FRMD4A: variants seen among roughly 807,000 people sequenced by gnomAD.
The protein encoded by FRMD4A is FERM domain-containing protein 4A.
In FRMD4A, 29 loss-of-function variants were observed where a neutral mutation model predicts 129.1. The observed-to-expected ratio is 0.22, with a 90% confidence interval of 0.17 to 0.31. The LOEUF is 0.31. FRMD4A is among the 10% of genes least tolerant of loss of function. FRMD4A has a pLI of 1.00. For synonymous variants in FRMD4A, 634 were observed against 571.6 expected, an observed-to-expected ratio of 1.11 and a Z score of -1.56; for missense variants, 1,272 against 1,375.8, an observed-to-expected ratio of 0.92 and a Z score of 1.19.
intron 2 of FRMD4A, among the ~76,000 whole-genome samples, chr10:13,938,289 T>C (rs775990961): frequency 6.6e-6 from 1 of 152,168 alleles, no homozygotes; most frequent in Non-Finnish European, 1.5e-5. Context: ...TTGCCCAGGC[T>C]GGAGTGCAGT....
intron 3 of FRMD4A, among the ~76,000 whole-genome samples, chr10:13,841,021 T>C (rs1316918040): frequency 1.3e-5 from 2 of 152,060 alleles, no homozygotes; most frequent in South Asian, 2.1e-4. Context: ...GGTGGGAGGA[T>C]GGCTTGAGCC....
In FRMD4A at chr10:13,752,902, TC is replaced by T. The variant is rs2091693576; in HGVS notation, c.465-5084del. On this transcript the variant is annotated intron_variant, in intron 8 of 24. Coordinates refer to ENST00000357447, the MANE Select transcript of FRMD4A (RefSeq NM_018027.5). ...TATTTGCGCCCACTTGCTGCGCATA[TC>T]CATGTTTTGGGCTGGAGGTGTTGAT... is the stretch of plus-strand genomic sequence containing the variant. Among the ~76,000 whole-genome samples the T allele has an allele frequency of 5.3e-5, 8 of 152,344 alleles. No individual in the cohort carries two copies. In the South Asian group the frequency reaches 1.7e-3, roughly 32 times the overall value.
intron 2 of FRMD4A, among the ~76,000 whole-genome samples, chr10:14,081,418 C>A (rs1835920754): frequency 6.6e-6 from 1 of 152,142 alleles, no homozygotes; most frequent in African/African-American, 2.4e-5. Context: ...AGACAACAAA[C>A]CCACTGCCCA....
intron 2 of FRMD4A, among the ~76,000 whole-genome samples, chr10:14,213,039 C>G (rs746927095): frequency 6.6e-6 from 1 of 152,096 alleles, no homozygotes; most frequent in Non-Finnish European, 1.5e-5. Flanking sequence ...GAGTTTGAAA[C>G]CAGCTGTGGC....
rs1357380595 is a variant in FRMD4A at position 14,330,123 on chromosome 10, G to A, written c.-21C>T. On this transcript the variant is annotated 5_prime_UTR_variant, in exon 2 of 25. Coordinates refer to ENST00000357447, the MANE Select transcript of FRMD4A (RefSeq NM_018027.5). ...GCCATGGTCTCCGATTCCCATGCACGAATCCTGCTGCCGAGTCAGTCCTCC... is the reference window on the plus strand; with the variant it reads ...GCCATGGTCTCCGATTCCCATGCACAAATCCTGCTGCCGAGTCAGTCCTCC... 4.5e-6 allele frequency: 7 copies of A among 1,551,228 alleles called. No homozygotes were observed. In the Admixed American group the frequency reaches 7.8e-5, roughly 17 times the overall value.
intron 15 of FRMD4A, among the ~76,000 whole-genome samples, chr10:13,688,771 T>A (rs1589383601): frequency 1.3e-5 from 2 of 152,124 alleles, no homozygotes; most frequent in South Asian, 4.1e-4. Flanking sequence ...TGGAATGCAG[T>A]GGTGTAATTT....
chr10:14,060,346 C>T (rs1834749058), intron 2 of FRMD4A, among the ~76,000 whole-genome samples: 1 of 152,166 alleles, frequency 6.6e-6, no homozygotes, highest in Non-Finnish European at 1.5e-5. Flanking sequence ...GAACACTGAA[C>T]ACATCCTTGT....
intron 2 of FRMD4A, among the ~76,000 whole-genome samples, chr10:14,260,170 G>A (rs1213386002): frequency 7.2e-5 from 11 of 152,116 alleles, no homozygotes; most frequent in Non-Finnish European, 1.6e-4. Flanking sequence ...CTCGGCAGGT[G>A]CAGTTTGGCT....
intron 12 of FRMD4A, among the ~76,000 whole-genome samples, chr10:13,735,544 G>A (rs1225967350): frequency 6.6e-6 from 1 of 152,130 alleles, no homozygotes; most frequent in Non-Finnish European, 1.5e-5. Flanking sequence ...CATACATCAA[G>A]TGCTAGCTCA....
chr10:13,851,112 G>T (rs1011111213), intron 3 of FRMD4A, among the ~76,000 whole-genome samples: 1 of 152,226 alleles, frequency 6.6e-6, no homozygotes, highest in Admixed American at 6.5e-5. Flanking sequence ...AACTCTGGAG[G>T]CTGAGGTGGG....
intron 2 of FRMD4A, among the ~76,000 whole-genome samples, chr10:13,859,384 CA>C (rs1225771351): frequency 1.3e-5 from 2 of 151,696 alleles, no homozygotes; most frequent in African/African-American, 2.4e-5. Flanking sequence ...AACTCCCTTT[CA>C]AAAAAAAGAA....
At chr10:13,971,569 T>C (rs1186071183) in intron 2 of FRMD4A, 1 of 730,312 alleles carries the variant, frequency 1.4e-6, no homozygotes, top group Non-Finnish European at 2.1e-6. Flanking sequence ...CCCGAACACA[T>C]GTGACAATAG....
intron 2 of FRMD4A, among the ~76,000 whole-genome samples, chr10:14,127,201 G>A (rs1182683082): frequency 6.6e-6 from 1 of 152,214 alleles, no homozygotes; most frequent in Non-Finnish European, 1.5e-5. Flanking sequence ...CAAAGGCTCA[G>A]CATTCAGGTG....
chr10:13,714,300 T>G (rs963472374), intron 12 of FRMD4A, among the ~76,000 whole-genome samples: 9 of 151,214 alleles, frequency 6.0e-5, no homozygotes, highest in Admixed American at 5.9e-4. Flanking sequence ...TGACCTCAGG[T>G]GATCCACTCG....
At chr10:13,841,096 A>C (rs2093957825) in intron 3 of FRMD4A, among the ~76,000 whole-genome samples, 1 of 152,192 alleles carries the variant, frequency 6.6e-6, no homozygotes, top group African/African-American at 2.4e-5. Context: ...TGACAGAGTG[A>C]GACCCCCATC....
At chr10:14,265,987 T>C (rs1183653775) in intron 2 of FRMD4A, among the ~76,000 whole-genome samples, 1 of 152,052 alleles carries the variant, frequency 6.6e-6, no homozygotes, top group Non-Finnish European at 1.5e-5. Flanking sequence ...ATGATCAAGG[T>C]GTCAATTGGG....
At chr10:13,658,327 C>A (rs545581998) in intron 21 of FRMD4A, among the ~76,000 whole-genome samples, 1 of 152,262 alleles carries the variant, frequency 6.6e-6, no homozygotes, top group East Asian at 1.9e-4. Context: ...GATAATTAAA[C>A]AATGAATGAT....
intron 2 of FRMD4A, among the ~76,000 whole-genome samples, chr10:13,954,617 A>G (rs1490377463): frequency 6.6e-6 from 1 of 152,140 alleles, no homozygotes; most frequent in Non-Finnish European, 1.5e-5. Flanking sequence ...AATTGAGAGG[A>G]GAAATTCCCC....
intron 2 of FRMD4A, among the ~76,000 whole-genome samples, chr10:13,980,096 C>A (rs937532045): frequency 9.2e-5 from 14 of 152,198 alleles, no homozygotes; most frequent in African/African-American, 3.4e-4. Context: ...AGGGCAGATG[C>A]AATTTTGGCA....
Sources: allele counts gnomAD v4.1 joint callset (sites outside exome capture counted in the v4.1 genomes callset), GRCh38; gene constraint gnomAD v4.1.1; transcripts MANE v1.5; gene names NCBI Gene and HGNC (gene_info 2026-07-23, HGNC 2026-07-21).